EYS: variants seen among roughly 807,000 people sequenced by gnomAD.
EYS encodes the protein protein eyes shut homolog.
In EYS, 250 loss-of-function variants were observed where a neutral mutation model predicts 282.1. The ratio of observed to expected loss-of-function variants is 0.89; its 90% CI spans 0.80 to 0.98. The LOEUF is 0.98. EYS is among the 50% of genes least tolerant of loss of function. EYS has a pLI of 0.00. For synonymous variants in EYS, 1,355 were observed against 1,282.9 expected (o/e 1.06, Z -1.20); for missense variants, 4,016 against 3,709.0 (o/e 1.08, Z -2.15).
intron 11 of EYS, among the ~76,000 whole-genome samples, chr6:65,306,660 TAAA>T (rs563938808): frequency 7.4e-6 from 1 of 134,270 alleles, no homozygotes; most frequent in African/African-American, 2.8e-5. Context: ...TGATGTAGGA[TAAA>T]AAAAAAAAGA....
intron 18 of EYS, among the ~76,000 whole-genome samples, chr6:64,891,770 T>C (rs1767299364): frequency 1.3e-5 from 2 of 152,054 alleles, no homozygotes; most frequent in Admixed American, 6.6e-5. Context: ...ATACCTTCCT[T>C]TGATAAAACT....
rs187017985 is a variant in EYS, at chr6:64,034,064, G to T, written c.6725+32274C>A. 4.6e-5 allele frequency among the ~76,000 whole-genome samples: 7 copies of T among 152,286 alleles called. No homozygotes were observed. The East Asian group carries it at 7.7e-4, about 17-fold the overall frequency. ...AATGGATCTAGATTCCTAATAGATTGTTATTGGTCATGCCTGTATTGGGTA... is the reference window on the plus strand; with the variant it reads ...AATGGATCTAGATTCCTAATAGATTTTTATTGGTCATGCCTGTATTGGGTA... On this transcript the variant is annotated intron_variant, in intron 33 of 42. Transcript: ENST00000503581.
At chr6:64,039,868 C>T (rs1770302236) in intron 33 of EYS, among the ~76,000 whole-genome samples, 2 of 152,194 alleles carry the variant, frequency 1.3e-5, no homozygotes, top group African/African-American at 4.8e-5. Context: ...CTATTATCAA[C>T]AATTTTAAGA....
In EYS at chr6:64,487,505, A is replaced by G. The variant is rs9342300; in HGVS notation, c.5645-48153T>C. Among the ~76,000 whole-genome samples the G allele has an allele frequency of 8.0e-4, 121 of 151,220 alleles. 3 individuals are homozygous for G. In the East Asian group the frequency reaches 0.022, roughly 27 times the overall value. On this transcript the variant is annotated intron_variant, in intron 26 of 42. Coordinates refer to ENST00000503581, the MANE Select transcript of EYS (RefSeq NM_001142800.2). ...GGGAATTAATATCCATTTAAAATGT[A>G]TATTAAAATATTGCTTATGTCCTAA...
intron 31 of EYS, among the ~76,000 whole-genome samples, chr6:64,082,331 T>C (rs543242640): frequency 3.3e-5 from 5 of 152,270 alleles, no homozygotes; most frequent in African/African-American, 9.6e-5. Flanking sequence ...CCAGATTCTT[T>C]TGCGATATTT....
At chr6:65,404,512 C>T (rs1253798328) in intron 6 of EYS, among the ~76,000 whole-genome samples, 1 of 151,762 alleles carries the variant, frequency 6.6e-6, no homozygotes, top group Non-Finnish European at 1.5e-5. Context: ...GCTCTTTGCC[C>T]TTGTATCTCC....
intron 22 of EYS, among the ~76,000 whole-genome samples, chr6:64,765,208 G>C (rs1027121841): frequency 6.6e-6 from 1 of 152,162 alleles, no homozygotes; most frequent in African/African-American, 2.4e-5. Context: ...GATCTCTAAG[G>C]CAGGGGAAAA....
Position 65,623,913 on chromosome 6 carries a change from G to A in EYS, c.-333+15865C>T, listed in dbSNP as rs76388069. Among the ~76,000 whole-genome samples, 39 of 152,270 alleles carry A rather than the reference G, an allele frequency of 2.6e-4. No homozygotes were observed. In the East Asian group the frequency reaches 7.0e-3, roughly 27 times the overall value. ...AACATAGGCTCATGTTGAGTGGGAA[G>A]CAAGGGAGTAATCACATGGAAGAAT... On this transcript the variant is annotated intron_variant, in intron 2 of 42. Coordinates refer to ENST00000503581, the MANE Select transcript of EYS (RefSeq NM_001142800.2).
At chr6:65,547,975 T>C (rs1338609329) in intron 2 of EYS, among the ~76,000 whole-genome samples, 2 of 152,204 alleles carry the variant, frequency 1.3e-5, no homozygotes, top group African/African-American at 2.4e-5. Flanking sequence ...CTTTATCTCA[T>C]AAATGGTTGG....
chr6:65,511,830 C>T (rs1766879386), intron 2 of EYS, among the ~76,000 whole-genome samples: 1 of 151,604 alleles, frequency 6.6e-6, no homozygotes, highest in Non-Finnish European at 1.5e-5. Context: ...GCACACACTC[C>T]TATAATCTCA....
chr6:65,410,393 G>T lies in EYS; in HGVS notation c.863-5026C>A, dbSNP rs548608148. On this transcript the variant is annotated intron_variant, in intron 5 of 42. Coordinates refer to ENST00000503581, the MANE Select transcript of EYS (RefSeq NM_001142800.2). ...CTCATGCCTTTATCATTTATTCGTGGCAAGAACATTCAAAACCATCTCTTC... is the reference window on the plus strand; with the variant it reads ...CTCATGCCTTTATCATTTATTCGTGTCAAGAACATTCAAAACCATCTCTTC... 3.3e-5 allele frequency among the ~76,000 whole-genome samples: 5 copies of T among 152,004 alleles called. No homozygotes were observed. The East Asian group carries it at 9.7e-4, about 29-fold the overall frequency.
At chr6:65,034,723 C>T (rs1772713228) in intron 13 of EYS, among the ~76,000 whole-genome samples, 1 of 152,064 alleles carries the variant, frequency 6.6e-6, no homozygotes, top group African/African-American at 2.4e-5. Flanking sequence ...GCTAGTTAAA[C>T]TTTTCTTCTT....
At chr6:64,994,709 G>A (rs1322501804) in intron 14 of EYS, among the ~76,000 whole-genome samples, 1 of 151,898 alleles carries the variant, frequency 6.6e-6, no homozygotes, top group Admixed American at 6.6e-5. Context: ...TATGTATTAT[G>A]TCTAATCCAG....
intron 28 of EYS, among the ~76,000 whole-genome samples, chr6:64,408,637 C>A (rs1456712869): frequency 6.6e-6 from 1 of 152,034 alleles, no homozygotes; most frequent in African/African-American, 2.4e-5. Flanking sequence ...AGAAAAAATA[C>A]AATATAGAAT....
intron 41 of EYS, among the ~76,000 whole-genome samples, chr6:63,759,491 G>T (rs1181837022): frequency 1.3e-5 from 2 of 152,022 alleles, no homozygotes; most frequent in Non-Finnish European, 2.9e-5. Flanking sequence ...AATTTAGCAG[G>T]TTGTACTGAA....
chr6:65,144,695 T>A (rs28413048), intron 12 of EYS, among the ~76,000 whole-genome samples: 6 of 152,028 alleles, frequency 3.9e-5, no homozygotes, highest in East Asian at 3.9e-4. Context: ...TAAATTTTTT[T>A]AAAAAGGGAT....
intron 22 of EYS, among the ~76,000 whole-genome samples, chr6:64,799,298 G>T (rs911402080): frequency 6.6e-6 from 1 of 151,490 alleles, no homozygotes. Flanking sequence ...ATATCAATGT[G>T]ATAAGCTCAT....
At chr6:63,737,132 G>A (rs1183731927) in intron 41 of EYS, among the ~76,000 whole-genome samples, 8 of 151,446 alleles carry the variant, frequency 5.3e-5, no homozygotes, top group African/African-American at 1.9e-4. Flanking sequence ...ATGTTGAATA[G>A]GAGTGGTGAG....
intron 18 of EYS, among the ~76,000 whole-genome samples, chr6:64,893,176 G>A (rs963196384): frequency 3.9e-5 from 6 of 152,020 alleles, no homozygotes; most frequent in Non-Finnish European, 2.9e-5. Flanking sequence ...ATGCTATCAA[G>A]TGTCAGAAAA....
Sources: gnomAD v4.1 joint callset for allele counts (sites outside exome capture counted in the v4.1 genomes callset) on GRCh38, gnomAD v4.1.1 for gene constraint, MANE v1.5 for transcripts, NCBI Gene and HGNC (gene_info 2026-07-23, HGNC 2026-07-21) for gene names.